The following CYS1 variants were observed in gnomAD, a reference collection of about 807,000 sequenced individuals.
CYS1 encodes cystin 1.
In CYS1, 5 loss-of-function variants were observed where a neutral mutation model predicts 9.6. The observed-to-expected ratio is 0.52, with a 90% CI of 0.27 to 1.10. The LOEUF is 1.10. CYS1 is among the 50% of genes least tolerant of loss of function. The probability of loss-of-function intolerance (pLI) is 0.11; values close to 1 mark genes in which losing one functional copy is unlikely to be tolerated. For missense variants in CYS1, 221 were observed against 207.9 expected, an observed-to-expected ratio of 1.06 and a Z score of -0.39; for synonymous variants, 88 against 95.7, an observed-to-expected ratio of 0.92 and a Z score of 0.47.
rs1292094592 is a variant in CYS1 at position 10,057,808 on chromosome 2, A to G, written c.*1045T>C. On this transcript the variant is annotated 3_prime_UTR_variant, in exon 3 of 3. Coordinates refer to ENST00000381813, the MANE Select transcript of CYS1 (RefSeq NM_001037160.3). ...GCCCAGGCTCCAGACCTGCCCGCCC[A>G]CACAGGAGTCCCCTCTAGCCGGAGC... The G allele has an allele frequency of 3.9e-5, 6 of 152,380 alleles. No homozygotes were observed. Among genetic ancestry groups the G allele is most frequent in the Admixed American group, 3.9e-4 (6 of 15,276 alleles). The allele number at this position is 152,380 out of a possible 1,614,324, so 9.4% of individuals were successfully genotyped here. A position where few individuals can be genotyped will look rare whatever the true frequency, so the allele number is the denominator to read the frequency against.
intron 2 of CYS1, among the ~76,000 whole-genome samples, chr2:10,062,543 G>C (rs985609764): frequency 6.6e-6 from 1 of 152,116 alleles, no homozygotes; most frequent in African/African-American, 2.4e-5. Context: ...TGGGAATACA[G>C]GCACGTGCCA....
At chr2:10,059,594 G>A (rs1661599203) in intron 2 of CYS1, among the ~76,000 whole-genome samples, 1 of 152,210 alleles carries the variant, frequency 6.6e-6, no homozygotes, top group Non-Finnish European at 1.5e-5. Context: ...CTACTCAGGA[G>A]GCTGAGGCAG....
intron 2 of CYS1, among the ~76,000 whole-genome samples, chr2:10,062,265 A>G (rs1319551034): frequency 1.3e-5 from 2 of 152,324 alleles, no homozygotes; most frequent in South Asian, 2.1e-4. Flanking sequence ...TCCAAGGAAA[A>G]TCACTCCAAG....
chr2:10,070,984 T>G (rs1308436784), intron 1 of CYS1, among the ~76,000 whole-genome samples: 4 of 151,304 alleles, frequency 2.6e-5, no homozygotes, highest in Non-Finnish European at 1.5e-5. Flanking sequence ...TGTTTTGTTT[T>G]GAGACGGAGT....
At chr2:10,061,990 C>T (rs1661635122) in intron 2 of CYS1, among the ~76,000 whole-genome samples, 1 of 151,292 alleles carries the variant, frequency 6.6e-6, no homozygotes, top group African/African-American at 2.4e-5. Flanking sequence ...GGTTTTCCAT[C>T]AGCAGGGACT....
At chr2:10,067,402 T>C (rs1199041566) in intron 1 of CYS1, among the ~76,000 whole-genome samples, 3 of 123,360 alleles carry the variant, frequency 2.4e-5, no homozygotes, top group Admixed American at 9.6e-5. Context: ...AAAAAAATTC[T>C]TTTCTTTTTT....
chr2:10,063,871 A>G lies in CYS1; in HGVS notation c.371+2033T>C, dbSNP rs1661660150. Among the ~76,000 whole-genome samples the G allele has an allele frequency of 6.6e-6, 1 of 152,222 alleles. No homozygotes were observed. Among genetic ancestry groups the G allele is most frequent in the East Asian group, 1.9e-4 (1 of 5,198 alleles). On this transcript the variant is annotated intron_variant, in intron 2 of 2. Transcript: ENST00000381813. This position sits in a 1 kb window ranked among gnomAD's most constrained non-coding sequence, Gnocchi z 4.2. ...GAAGCACGGTGCTGGAGGGGCTGAC[A>G]GAGCCCTGGGCACTCCTACGCCTAG...
chr2:10,058,683 G>T lies in CYS1; in HGVS notation c.*170C>A. The T allele has an allele frequency of 1.8e-6, 1 of 551,678 alleles. No individual in the cohort carries two copies. The highest frequency in any genetic ancestry group is 3.1e-6 in the Non-Finnish European group (1 of 320,400). 34.2% of individuals were successfully genotyped at this position (551,678 alleles called of 1,614,324 possible). On this transcript the variant is annotated 3_prime_UTR_variant, in exon 3 of 3. Transcript: ENST00000381813. ...CCACCAGCAACCATGACCGCCAGTG[G>T]CTGGCCCAGGTCAGCGCGGTCTGAA... is the stretch of plus-strand genomic sequence containing the variant.
intron 1 of CYS1, among the ~76,000 whole-genome samples, chr2:10,067,996 C>G (rs1661718431): frequency 6.6e-6 from 1 of 152,152 alleles, no homozygotes; most frequent in South Asian, 2.1e-4. Context: ...ATGATATTTG[C>G]TGTAGTTTCT....
intron 2 of CYS1, among the ~76,000 whole-genome samples, chr2:10,065,595 G>C (rs865834426): frequency 6.6e-6 from 1 of 152,234 alleles, no homozygotes; most frequent in Non-Finnish European, 1.5e-5. Flanking sequence ...ACAGCGCACA[G>C]CATGGCACCT....
intron 1 of CYS1, among the ~76,000 whole-genome samples, chr2:10,069,561 G>C (rs2125289951): frequency 6.6e-6 from 1 of 152,124 alleles, no homozygotes; most frequent in South Asian, 2.1e-4. Flanking sequence ...CAGAGACAGG[G>C]TTTCACCATG....
chr2:10,078,254 C>A (rs1399155093), intron 1 of CYS1, among the ~76,000 whole-genome samples: 1 of 152,208 alleles, frequency 6.6e-6, no homozygotes, highest in African/African-American at 2.4e-5. Flanking sequence ...ACTCGGCCAC[C>A]TGGATCATTG....
intron 1 of CYS1, among the ~76,000 whole-genome samples, chr2:10,073,217 C>T (rs985678898): frequency 3.4e-5 from 5 of 145,576 alleles, no homozygotes; most frequent in Admixed American, 3.4e-4. Context: ...CCGCCCCCCC[C>T]CCCCCCCCGG....
Position 10,057,171 on chromosome 2 carries a change from G to A in CYS1, c.*1682C>T, listed in dbSNP as rs1424225901. ...AAATTCAAAGCCTGATCCATCTGGT[G>A]GTAAGAAATGTTAACTTATTTTAAA... On this transcript the variant is annotated 3_prime_UTR_variant, in exon 3 of 3. Coordinates refer to ENST00000381813, the MANE Select transcript of CYS1 (RefSeq NM_001037160.3). 6.6e-6 allele frequency: 1 copy of A among 152,232 alleles called. No individual in the cohort carries two copies. The highest frequency in any genetic ancestry group is 1.5e-5 in the Non-Finnish European group (1 of 68,038). 9.4% of individuals were successfully genotyped at this position (152,232 alleles called of 1,614,324 possible).
chr2:10,072,980 AGCAGATGTGTGGGAGCAGT>A (rs1661792391), intron 1 of CYS1, among the ~76,000 whole-genome samples: 2 of 147,072 alleles, frequency 1.4e-5, no homozygotes, highest in Admixed American at 6.8e-5. Flanking sequence ...GTGGGAGCAG[AGCAGATGTGTGGGAGCAGT>A]GCAGATGTGT....
chr2:10,062,548 G>A (rs1324647159), intron 2 of CYS1, among the ~76,000 whole-genome samples: 4 of 152,104 alleles, frequency 2.6e-5, no homozygotes, highest in Non-Finnish European at 4.4e-5. Context: ...ATACAGGCAC[G>A]TGCCACCACT....
intron 1 of CYS1, among the ~76,000 whole-genome samples, chr2:10,069,638 A>G (rs1440718717): frequency 6.6e-6 from 1 of 152,194 alleles, no homozygotes; most frequent in African/African-American, 2.4e-5. Context: ...AGATGCTGGG[A>G]TAACAGGTGT....
At chr2:10,070,750 G>A (rs975037039) in intron 1 of CYS1, among the ~76,000 whole-genome samples, 4 of 151,310 alleles carry the variant, frequency 2.6e-5, no homozygotes, top group East Asian at 1.9e-4. Context: ...CTCAAGCAAC[G>A]GTCCCATCTC....
At position 10,080,158 on chromosome 2, in the gene CYS1, G is replaced by T. The variant is rs1474801289; in HGVS notation, c.66C>A (p.Pro22=). ...LRRRRSPESL[P]AGPGAAALEG... ...CCAGGGCTGCCGCTCCGGGCCCCGC[G>T]GGGAGGCTCTCGGGGCTGCGCCGCC... is the stretch of plus-strand genomic sequence containing the variant. The change falls in exon 1 of 3, where the codon CCC becomes CCA. Residue 22 remains proline, a synonymous_variant. Coordinates refer to ENST00000381813, the MANE Select transcript of CYS1 (RefSeq NM_001037160.3). This position sits in a 1 kb window ranked among gnomAD's most constrained non-coding sequence, Gnocchi z 6.4. 1 of 1,055,894 alleles carries T rather than the reference G, an allele frequency of 9.5e-7. No individual in the cohort carries two copies. The highest frequency in any genetic ancestry group is 1.1e-6 in the Non-Finnish European group (1 of 877,856). The allele number at this position is 1,055,894 out of a possible 1,614,324, so 65.4% of individuals were successfully genotyped here. A position where few individuals can be genotyped will look rare whatever the true frequency, so the allele number is the denominator to read the frequency against.
Sources: gnomAD v4.1 joint callset for allele counts (sites outside exome capture counted in the v4.1 genomes callset) on GRCh38, gnomAD v4.1.1 for gene constraint, Gnocchi (gnomAD v3.1) non-coding constraint, MANE v1.5 for transcripts, NCBI Gene and HGNC (gene_info 2026-07-23, HGNC 2026-07-21) for gene names.